Variants in GRID2 observed in about 807,000 individuals in gnomAD.
GRID2 encodes the protein glutamate ionotropic receptor delta type subunit 2.
In GRID2, 33 loss-of-function variants were observed where a neutral mutation model predicts 114.8. That is an observed-to-expected ratio of 0.29 (90% CI 0.22 to 0.38). The LOEUF (loss-of-function observed/expected upper bound fraction) is 0.38. Ranked by LOEUF, GRID2 falls within the 10% of genes least tolerant of loss-of-function variation. GRID2 has a pLI of 1.00. For synonymous variants in GRID2, 505 were observed against 449.9 expected, an observed-to-expected ratio of 1.12 and a Z score of -1.55; for missense variants, 1,184 against 1,257.7, an observed-to-expected ratio of 0.94 and a Z score of 0.89.
intron 8 of GRID2, among the ~76,000 whole-genome samples, chr4:93,265,990 A>G (rs1352149067): frequency 6.6e-6 from 1 of 152,160 alleles, no homozygotes; most frequent in Non-Finnish European, 1.5e-5. Flanking sequence ...GCTGGAGCCT[A>G]TCCCTGCAGC....
chr4:93,375,771 T>G (rs1218268189), intron 8 of GRID2, among the ~76,000 whole-genome samples: 1 of 152,208 alleles, frequency 6.6e-6, no homozygotes, highest in Non-Finnish European at 1.5e-5. Flanking sequence ...AAGGTTTTTC[T>G]TTATTCAAAT....
intron 2 of GRID2, among the ~76,000 whole-genome samples, chr4:93,060,895 G>C (rs1393960699): frequency 6.6e-6 from 1 of 152,042 alleles, no homozygotes; most frequent in East Asian, 1.9e-4. Context: ...CTGAGGTCAG[G>C]AGTTCGAGAC....
intron 2 of GRID2, among the ~76,000 whole-genome samples, chr4:92,778,693 T>G (rs1738922670): frequency 6.6e-6 from 1 of 152,116 alleles, no homozygotes; most frequent in Admixed American, 6.6e-5. Context: ...TTTAGAGCTA[T>G]AACATTTCAG....
chr4:92,324,285 C>T (rs748887912), intron 1 of GRID2, among the ~76,000 whole-genome samples: 1 of 151,992 alleles, frequency 6.6e-6, no homozygotes, highest in Non-Finnish European at 1.5e-5. Context: ...ACTCTCCACT[C>T]TTCTTTCCTA....
At chr4:93,060,407 A>G (rs927511391) in intron 2 of GRID2, among the ~76,000 whole-genome samples, 8 of 152,094 alleles carry the variant, frequency 5.3e-5, no homozygotes, top group African/African-American at 1.9e-4. Context: ...GTTTCCATGG[A>G]AGGAAATGCT....
chr4:93,289,884 A>G (rs1753555650), intron 8 of GRID2, among the ~76,000 whole-genome samples: 1 of 152,208 alleles, frequency 6.6e-6, no homozygotes. Context: ...ACAACTAACA[A>G]TAAGGGAAAA....
intron 4 of GRID2, among the ~76,000 whole-genome samples, chr4:93,198,440 C>T (rs187995560): frequency 5.3e-5 from 8 of 151,898 alleles, no homozygotes; most frequent in African/African-American, 1.9e-4. Flanking sequence ...GAAGAGCAAT[C>T]CAGGAGGCAA....
intron 10 of GRID2, among the ~76,000 whole-genome samples, chr4:93,431,388 G>A (rs1278709727): frequency 1.3e-5 from 2 of 152,108 alleles, no homozygotes; most frequent in South Asian, 2.1e-4. Flanking sequence ...GAAACCCAGA[G>A]AAAGCTGTCA....
chr4:93,743,567 G>A (rs1731590505), intron 14 of GRID2, among the ~76,000 whole-genome samples: 1 of 152,202 alleles, frequency 6.6e-6, no homozygotes, highest in Non-Finnish European at 1.5e-5. Flanking sequence ...TCTCATGGTG[G>A]AAGGTGAAGA....
intron 13 of GRID2, among the ~76,000 whole-genome samples, chr4:93,565,003 A>G (rs1404711164): frequency 6.6e-6 from 1 of 152,138 alleles, no homozygotes; most frequent in Non-Finnish European, 1.5e-5. Context: ...AAAAAGAAAT[A>G]TTATATGGCT....
intron 2 of GRID2, among the ~76,000 whole-genome samples, chr4:92,931,458 A>G (rs1265449441): frequency 8.6e-5 from 13 of 151,026 alleles, no homozygotes; most frequent in Non-Finnish European, 1.0e-4. Context: ...TCAACATTGC[A>G]TTAGAATTCT....
intron 1 of GRID2, among the ~76,000 whole-genome samples, chr4:92,518,508 T>A (rs962721488): frequency 6.6e-6 from 1 of 151,788 alleles, no homozygotes; most frequent in African/African-American, 2.4e-5. Flanking sequence ...GTAAAATATG[T>A]AGAGAGAGAC....
At chr4:93,761,258 C>T (rs546371488) in intron 14 of GRID2, among the ~76,000 whole-genome samples, 2 of 152,272 alleles carry the variant, frequency 1.3e-5, no homozygotes, top group East Asian at 1.9e-4. Flanking sequence ...GGTTCTAAAA[C>T]GGACTCATAC....
chr4:92,669,232 T>A (rs62309235), intron 2 of GRID2, among the ~76,000 whole-genome samples: 1 of 151,868 alleles, frequency 6.6e-6, no homozygotes, highest in Middle Eastern at 3.2e-3. Context: ...TAATTAAACA[T>A]AGAAACTTAA....
chr4:92,680,411 G>A (rs1374188995), intron 2 of GRID2, among the ~76,000 whole-genome samples: 1 of 152,070 alleles, frequency 6.6e-6, no homozygotes, highest in Non-Finnish European at 1.5e-5. Flanking sequence ...ATTAGGCCCT[G>A]AAAATTAAAT....
exon 2 of GRID2, chr4:93,807,653 G>A (rs1054083088): frequency 1.4e-5 from 2 of 141,000 alleles, no homozygotes; most frequent in East Asian, 2.1e-4. Flanking sequence ...ACTACCCAGC[G>A]CTAAGATAAG....
chr4:92,607,334 G>A (rs1729509933), intron 2 of GRID2, among the ~76,000 whole-genome samples: 1 of 151,892 alleles, frequency 6.6e-6, no homozygotes, highest in South Asian at 2.1e-4. Flanking sequence ...TTTGGTTAAG[G>A]AAGTTGATGA....
In GRID2 at chr4:93,163,356, G is replaced by GTGTA. The variant is rs1323439994; in HGVS notation, c.736-44047_736-44046insGTAT. Among the ~76,000 whole-genome samples, 11 of 56,250 alleles carry GTGTA rather than the reference G, an allele frequency of 2.0e-4. No homozygotes were observed. The East Asian group carries it at 2.0e-3, about 10-fold the overall frequency. 36.9% of individuals were successfully genotyped at this position (56,250 alleles called of 152,430 possible). A position where few individuals can be genotyped will look rare whatever the true frequency, so the allele number is the denominator to read the frequency against. The stretch of plus-strand genomic sequence containing the variant: ...TTTCCACTTCTGATTTTTTTTTTGT[G>GTGTA]TATATATATATATATATATATATAT... On this transcript the variant is annotated intron_variant, in intron 4 of 15. Coordinates refer to ENST00000282020, the MANE Select transcript of GRID2 (RefSeq NM_001510.4).
At position 93,035,539 on chromosome 4, in the gene GRID2, A is replaced by C. The variant is rs921685893; in HGVS notation, c.245-49456A>C. ...TCTGTGGGTCGCCTGCAAACTGAGC[A>C]TGGCTTCCCTTTATCCTCTAGTTCT... On this transcript the variant is annotated intron_variant, in intron 2 of 15. Coordinates refer to ENST00000282020, the MANE Select transcript of GRID2 (RefSeq NM_001510.4). 2.6e-5 allele frequency among the ~76,000 whole-genome samples: 4 copies of C among 152,166 alleles called. No homozygotes were observed. In the East Asian group the frequency reaches 5.8e-4, roughly 22 times the overall value.
Sources: allele counts gnomAD v4.1 joint callset (sites outside exome capture counted in the v4.1 genomes callset), GRCh38; gene constraint gnomAD v4.1.1; transcripts MANE v1.5; gene names NCBI Gene and HGNC (gene_info 2026-07-23, HGNC 2026-07-21).